Variants in CHL1 observed in about 807,000 individuals in gnomAD.
CHL1 encodes neural cell adhesion molecule L1-like protein.
In CHL1, 96 loss-of-function variants were observed where a neutral mutation model predicts 141.9. The observed-to-expected ratio is 0.68, with a 90% CI of 0.57 to 0.80. CHL1 has a LOEUF of 0.80. CHL1 is among the 30% of genes least tolerant of loss of function. CHL1 has a pLI of 0.00. For missense variants in CHL1, 1,820 were observed against 1,457.2 expected (o/e 1.25, Z -4.05); for synonymous variants, 613 against 502.2 (o/e 1.22, Z -2.95).
intron 13 of CHL1, among the ~76,000 whole-genome samples, chr3:362,693 A>C (rs1400137890): frequency 6.6e-6 from 1 of 152,118 alleles, no homozygotes; most frequent in Non-Finnish European, 1.5e-5. Flanking sequence ...TGTAGCAGCA[A>C]GGGCTTGGAA....
chr3:375,248 G>A lies in CHL1; in HGVS notation c.1752-2570G>A, dbSNP rs142903237. On this transcript the variant is annotated intron_variant, in intron 15 of 27. Coordinates refer to ENST00000256509, the MANE Select transcript of CHL1 (RefSeq NM_006614.4). ...TGAAACCATTTTTAGAATTTATATC[G>A]TGCTTAACAAAGGTAATGGGGACTG... Among the ~76,000 whole-genome samples, 20 of 152,022 alleles carry A rather than the reference G, an allele frequency of 1.3e-4. No homozygotes were observed. In the East Asian group the frequency reaches 2.5e-3, roughly 19 times the overall value.
chr3:382,662 C>T lies in CHL1; in HGVS notation c.2167C>T (p.Pro723Ser), dbSNP rs150062867. 324 of 1,613,322 alleles carry T rather than the reference C, an allele frequency of 2.0e-4. No individual in the cohort carries two copies. Among genetic ancestry groups the T allele is most frequent in the Non-Finnish European group, 2.5e-4 (299 of 1,179,566 alleles). Reference protein sequence around the residue: ...PSQPSDHHETPPAAPDRNPQN... With the variant: ...PSQPSDHHETSPAAPDRNPQN... ...CCAGCCGTCAGACCATCATGAAACA[C>T]CACCAGCAGGTATGCAGGTTCTCAC... The change falls in exon 18 of 28, where the codon CCA (proline) becomes TCA (serine). Residue 723 changes from proline to serine, a missense_variant. By Grantham distance (74) the Pro-to-Ser change is moderately conservative. Transcript: ENST00000256509.
intron 9 of CHL1, among the ~76,000 whole-genome samples, chr3:348,494 A>T (rs1222463389): frequency 6.6e-6 from 1 of 152,162 alleles, no homozygotes; most frequent in Non-Finnish European, 1.5e-5. Context: ...TTTAAATCAA[A>T]TGAGTCACAG....
chr3:321,009 T>A (rs1374955711), intron 3 of CHL1, among the ~76,000 whole-genome samples: 1 of 152,068 alleles, frequency 6.6e-6, no homozygotes, highest in Non-Finnish European at 1.5e-5. Context: ...ATTTAATACA[T>A]CTTAGAAAAG....
Position 399,066 on chromosome 3 carries a change from A to G in CHL1, c.3303A>G (p.Gly1101=). Residue 1101 remains glycine (G), a synonymous_variant, in exon 26 of 28, where the codon GGA becomes GGG. Transcript: ENST00000256509. The part of the protein sequence containing the change: ...DDISTQGWFI[G]LMCAIALLTL... Reference sequence around the variant, plus strand: ...TCTCCACTCAAGGCTGGTTTATTGGACTGATGTGTGCGATTGCTCTTCTCA... The same window carrying G: ...TCTCCACTCAAGGCTGGTTTATTGGGCTGATGTGTGCGATTGCTCTTCTCA... The G allele has an allele frequency of 1.9e-6, 3 of 1,610,926 alleles. No homozygotes were observed. Among genetic ancestry groups the G allele is most frequent in the African/African-American group, 1.3e-5 (1 of 74,946 alleles).
At chr3:313,514 A>G (rs2124998492) in intron 2 of CHL1, among the ~76,000 whole-genome samples, 1 of 152,318 alleles carries the variant, frequency 6.6e-6, no homozygotes, top group Admixed American at 6.5e-5. Context: ...TTAGAGAACC[A>G]TAGTGCCAAA....
intron 15 of CHL1, among the ~76,000 whole-genome samples, chr3:373,283 G>C (rs1705879534): frequency 6.6e-6 from 1 of 152,232 alleles, no homozygotes; most frequent in Non-Finnish European, 1.5e-5. Flanking sequence ...TCTGGATTCT[G>C]TCCCTGAGCC....
intron 1 of CHL1, among the ~76,000 whole-genome samples, chr3:228,433 C>T (rs1282526652): frequency 6.6e-6 from 1 of 152,004 alleles, no homozygotes; most frequent in Non-Finnish European, 1.5e-5. Flanking sequence ...GGGATCCCTG[C>T]ACATGGATGA....
intron 1 of CHL1, among the ~76,000 whole-genome samples, chr3:231,214 T>C (rs1332564569): frequency 6.6e-6 from 1 of 152,190 alleles, no homozygotes; most frequent in Non-Finnish European, 1.5e-5. Context: ...ACTGGAGATA[T>C]GAACACTTTT....
At chr3:309,761 A>T (rs1699598905) in intron 2 of CHL1, among the ~76,000 whole-genome samples, 1 of 152,172 alleles carries the variant, frequency 6.6e-6, no homozygotes, top group Non-Finnish European at 1.5e-5. Context: ...GTGATCCTCC[A>T]GCCTCAGTTT....
chr3:283,945 G>A (rs1362376461), intron 2 of CHL1, among the ~76,000 whole-genome samples: 2 of 152,162 alleles, frequency 1.3e-5, no homozygotes, highest in African/African-American at 4.8e-5. Context: ...GAATTTATCA[G>A]ATGAATGAAT....
chr3:383,955 T>TTA, intron 19 of CHL1, 69 bp downstream of exon 19: 1 of 984,332 alleles, frequency 1.0e-6, no homozygotes, highest in Non-Finnish European at 1.6e-6. Context: ...GCATGCTAAC[T>TTA]ACAATGATAG....
intron 2 of CHL1, among the ~76,000 whole-genome samples, chr3:285,714 AT>A (rs2125315787): frequency 6.6e-6 from 1 of 152,342 alleles, no homozygotes; most frequent in East Asian, 1.9e-4. Context: ...TAATATGCAC[AT>A]TACATAGCTA....
At chr3:232,292 G>A (rs1271505778) in intron 1 of CHL1, among the ~76,000 whole-genome samples, 2 of 152,092 alleles carry the variant, frequency 1.3e-5, no homozygotes, top group Non-Finnish European at 1.5e-5. Flanking sequence ...TGTCCCTGGA[G>A]CTCTTTGTAC....
intron 9 of CHL1, among the ~76,000 whole-genome samples, chr3:345,819 A>G (rs1397779124): frequency 6.6e-6 from 1 of 152,198 alleles, no homozygotes; most frequent in Non-Finnish European, 1.5e-5. Context: ...AGAAAACCCT[A>G]AAGGACCTCA....
chr3:336,587 G>A (rs1297907050), intron 5 of CHL1, among the ~76,000 whole-genome samples: 1 of 151,050 alleles, frequency 6.6e-6, no homozygotes, highest in African/African-American at 2.4e-5. Context: ...GACACCAAAG[G>A]AAAACAAAAT....
At chr3:393,971 C>T (rs1483261991) in intron 23 of CHL1, among the ~76,000 whole-genome samples, 1 of 152,068 alleles carries the variant, frequency 6.6e-6, no homozygotes, top group Non-Finnish European at 1.5e-5. Flanking sequence ...TTCCTTCTTG[C>T]CACTAACAGC....
intron 1 of CHL1, among the ~76,000 whole-genome samples, chr3:241,423 C>T (rs975197654): frequency 2.0e-5 from 3 of 152,156 alleles, no homozygotes; most frequent in Non-Finnish European, 4.4e-5. Flanking sequence ...ACAACATGCT[C>T]ATATTCAGAA....
At chr3:403,236 A>AT (rs1460302496) in intron 27 of CHL1, among the ~76,000 whole-genome samples, 1 of 152,184 alleles carries the variant, frequency 6.6e-6, no homozygotes, top group Non-Finnish European at 1.5e-5. Context: ...TTCCTTCAGA[A>AT]TGTGTGAGCC....
Sources: gnomAD v4.1 joint callset for allele counts (sites outside exome capture counted in the v4.1 genomes callset) on GRCh38, gnomAD v4.1.1 for gene constraint, MANE v1.5 for transcripts, NCBI Gene and HGNC (gene_info 2026-07-23, HGNC 2026-07-21) for gene names.